The following NEDD4L variants were observed in gnomAD, a reference collection of about 807,000 sequenced individuals.
The protein encoded by NEDD4L is E3 ubiquitin-protein ligase NEDD4-like.
A neutral mutation model predicts 148.9 loss-of-function variants in NEDD4L; 54 were observed. That is an observed-to-expected ratio of 0.36 (90% CI 0.29 to 0.45). The LOEUF (loss-of-function observed/expected upper bound fraction) is 0.45. NEDD4L is among the 20% of genes least tolerant of loss of function. NEDD4L has a pLI of 1.00. For missense variants in NEDD4L, 856 were observed against 1,233.8 expected, an observed-to-expected ratio of 0.69 and a Z score of 4.59; for synonymous variants, 433 against 440.7, an observed-to-expected ratio of 0.98 and a Z score of 0.22.
Position 58,400,404 on chromosome 18 carries a change from A to G in NEDD4L, c.*4135A>G, listed in dbSNP as rs1284888904. 1 of 152,134 alleles carries G rather than the reference A, an allele frequency of 6.6e-6. No individual in the cohort carries two copies. Among genetic ancestry groups the G allele is most frequent in the Non-Finnish European group, 1.5e-5 (1 of 68,012 alleles). The allele number at this position is 152,134 out of a possible 1,614,324, so 9.4% of individuals were successfully genotyped here. On this transcript the variant is annotated 3_prime_UTR_variant, in exon 31 of 31. Transcript: ENST00000400345. ...GTGATATTCTTTGGACCACTTTTTTAATTTATATAAGCCTTAATGAACAGT... is the reference window on the plus strand; with the variant it reads ...GTGATATTCTTTGGACCACTTTTTTGATTTATATAAGCCTTAATGAACAGT...
intron 5 of NEDD4L, 94 bp downstream of exon 5, chr18:58,252,148 T>C (rs2048014214): frequency 1.2e-6 from 1 of 820,098 alleles, no homozygotes; most frequent in Non-Finnish European, 2.1e-6. Context: ...ATGTTGTACT[T>C]AGGACAGTAT....
chr18:58,292,039 A>G (rs1197964875), intron 5 of NEDD4L, among the ~76,000 whole-genome samples: 1 of 152,192 alleles, frequency 6.6e-6, no homozygotes, highest in African/African-American at 2.4e-5. Flanking sequence ...GTACCACAAA[A>G]GAACGCAGCT....
chr18:58,266,976 TA>T (rs2050307941), intron 5 of NEDD4L, among the ~76,000 whole-genome samples: 1 of 152,104 alleles, frequency 6.6e-6, no homozygotes, highest in African/African-American at 2.4e-5. Flanking sequence ...TGGCTACTAT[TA>T]AAATAATCTG....
chr18:58,135,264 C>T lies in NEDD4L; in HGVS notation c.49-30524C>T, dbSNP rs73442672. Among the ~76,000 whole-genome samples, 633 of 152,232 alleles carry T rather than the reference C, an allele frequency of 4.2e-3. 4 individuals carry two copies. Among genetic ancestry groups the T allele is most frequent in the African/African-American group, 0.014 (590 of 41,536 alleles). ...AGAAATGAATATTGTGCTTCCAGAA[C>T]GAGGAGAGAAGGGACGATGATGTGG... On this transcript the variant is annotated intron_variant, in intron 1 of 30. Coordinates refer to ENST00000400345, the MANE Select transcript of NEDD4L (RefSeq NM_001144967.3).
chr18:58,263,559 G>C (rs2049763215), intron 5 of NEDD4L, among the ~76,000 whole-genome samples: 1 of 151,606 alleles, frequency 6.6e-6, no homozygotes, highest in Non-Finnish European at 1.5e-5. Flanking sequence ...GGTCATTCGA[G>C]AGCTGGTAGA....
intron 18 of NEDD4L, among the ~76,000 whole-genome samples, chr18:58,354,947 A>G (rs1215274896): frequency 6.6e-6 from 1 of 152,224 alleles, no homozygotes; most frequent in African/African-American, 2.4e-5. Flanking sequence ...GAATATGTGC[A>G]GATGCTGCCA....
rs560094227 is a variant in NEDD4L at position 58,053,663 on chromosome 18, C to T, written c.48+8955C>T. On this transcript the variant is annotated intron_variant, in intron 1 of 30. Coordinates refer to ENST00000400345, the MANE Select transcript of NEDD4L (RefSeq NM_001144967.3). The stretch of plus-strand genomic sequence containing the variant: ...GTTTCCAACCTGACTCAAGGTTTAG[C>T]TCTTCGTCTCTTGGGTGCAGTTTTG... Among the ~76,000 whole-genome samples the T allele has an allele frequency of 6.6e-5, 10 of 152,314 alleles. No homozygotes were observed. The East Asian group carries it at 1.3e-3, about 21-fold the overall frequency.
At chr18:58,149,308 T>A in intron 1 of NEDD4L, 1 of 1,176,272 alleles carries the variant, frequency 8.5e-7, no homozygotes, top group Non-Finnish European at 1.1e-6. Flanking sequence ...CACCTGTGAT[T>A]TGATGTGAGC....
intron 1 of NEDD4L, among the ~76,000 whole-genome samples, chr18:58,112,470 A>G (rs1450269396): frequency 1.3e-5 from 2 of 151,266 alleles, no homozygotes; most frequent in East Asian, 1.9e-4. Context: ...GTATATATAT[A>G]TAGAGAGAGA....
chr18:58,150,631 T>C (rs1252282028), intron 1 of NEDD4L, among the ~76,000 whole-genome samples: 3 of 152,274 alleles, frequency 2.0e-5, no homozygotes, highest in South Asian at 2.1e-4. Flanking sequence ...GTTTTTTAGA[T>C]GTTAGATAGA....
intron 5 of NEDD4L, among the ~76,000 whole-genome samples, chr18:58,308,787 A>G (rs1339318410): frequency 6.6e-6 from 1 of 152,202 alleles, no homozygotes; most frequent in African/African-American, 2.4e-5. Flanking sequence ...GTCTGCGTCA[A>G]GTCAGTAACG....
intron 5 of NEDD4L, among the ~76,000 whole-genome samples, chr18:58,259,078 G>A (rs989154985): frequency 1.3e-5 from 2 of 152,150 alleles, no homozygotes; most frequent in African/African-American, 4.8e-5. Flanking sequence ...AATACCGCTC[G>A]GGATTCATTT....
chr18:58,071,313 C>G lies in NEDD4L; in HGVS notation c.48+26605C>G, dbSNP rs1462861495. Among the ~76,000 whole-genome samples, 3 of 151,750 alleles carry G rather than the reference C, an allele frequency of 2.0e-5. No homozygotes were observed. In the South Asian group the frequency reaches 6.2e-4, roughly 32 times the overall value. On this transcript the variant is annotated intron_variant, in intron 1 of 30. Coordinates refer to ENST00000400345, the MANE Select transcript of NEDD4L (RefSeq NM_001144967.3). ...TCTGGGTGACAGAGCAAGACTCTGCCTCTTAAAAAAAATATTGGGTGACCA... is the reference window on the plus strand; with the variant it reads ...TCTGGGTGACAGAGCAAGACTCTGCGTCTTAAAAAAAATATTGGGTGACCA...
At chr18:58,109,786 T>C (rs2085308871) in intron 1 of NEDD4L, among the ~76,000 whole-genome samples, 1 of 152,046 alleles carries the variant, frequency 6.6e-6, no homozygotes, top group South Asian at 2.1e-4. Flanking sequence ...GCCAGGCTGG[T>C]CTCTAACTCC....
chr18:58,253,441 G>A (rs186111656), intron 5 of NEDD4L, among the ~76,000 whole-genome samples: 111 of 152,274 alleles, frequency 7.3e-4, no homozygotes, highest in Non-Finnish European at 1.3e-3. Flanking sequence ...ATGAACAGTC[G>A]TACAGTGTAA....
At chr18:58,224,168 A>T (rs1330108686) in intron 2 of NEDD4L, among the ~76,000 whole-genome samples, 2 of 152,212 alleles carry the variant, frequency 1.3e-5, no homozygotes, top group Non-Finnish European at 2.9e-5. Flanking sequence ...TCACTTCACG[A>T]TTACTCATCT....
intron 5 of NEDD4L, among the ~76,000 whole-genome samples, chr18:58,285,859 C>T (rs939223837): frequency 6.6e-6 from 1 of 152,202 alleles, no homozygotes; most frequent in Admixed American, 6.5e-5. Context: ...CAACTCTTTA[C>T]CCTACAAATC....
intron 5 of NEDD4L, among the ~76,000 whole-genome samples, chr18:58,291,974 A>G (rs1419177677): frequency 6.6e-6 from 1 of 152,224 alleles, no homozygotes; most frequent in African/African-American, 2.4e-5. Context: ...GCACATTCGT[A>G]TAAATTATCT....
At chr18:58,151,353 G>T (rs991183312) in intron 1 of NEDD4L, among the ~76,000 whole-genome samples, 1 of 152,114 alleles carries the variant, frequency 6.6e-6, no homozygotes, top group Non-Finnish European at 1.5e-5. Flanking sequence ...TTCAGTGTTG[G>T]TCCATTTTCC....
Sources: allele counts gnomAD v4.1 joint callset (sites outside exome capture counted in the v4.1 genomes callset), GRCh38; gene constraint gnomAD v4.1.1; transcripts MANE v1.5; gene names NCBI Gene and HGNC (gene_info 2026-07-23, HGNC 2026-07-21).